RBM6: variants seen among roughly 807,000 people sequenced by gnomAD.
RBM6 encodes RNA binding motif protein 6.
A neutral mutation model predicts 140.4 loss-of-function variants in RBM6; 23 were observed. The ratio of observed to expected loss-of-function variants is 0.16; its 90% confidence interval spans 0.12 to 0.23. The LOEUF is 0.23. RBM6 is among the 10% of genes least tolerant of loss of function. The pLI is 1.00. For missense variants in RBM6, 1,139 were observed against 1,386.7 expected, an observed-to-expected ratio of 0.82 and a Z score of 2.84; for synonymous variants, 439 against 475.6, an observed-to-expected ratio of 0.92 and a Z score of 1.00.
intron 6 of RBM6, among the ~76,000 whole-genome samples, chr3:50,028,547 T>C (rs1369257256): frequency 2.0e-5 from 3 of 152,184 alleles, no homozygotes; most frequent in African/African-American, 7.2e-5. Context: ...AAGGAGGCAT[T>C]CCATTGTTAG....
intron 6 of RBM6, among the ~76,000 whole-genome samples, chr3:50,013,205 T>A (rs865887075): frequency 6.6e-6 from 1 of 152,082 alleles, no homozygotes; most frequent in African/African-American, 2.4e-5. Context: ...TGAATTTCCA[T>A]TGGGTTGAGT....
At chr3:49,971,188 C>T (rs1040256759) in intron 3 of RBM6, among the ~76,000 whole-genome samples, 1 of 127,100 alleles carries the variant, frequency 7.9e-6, no homozygotes, top group African/African-American at 2.6e-5. Context: ...ATCCCTTGAA[C>T]CTGGGAGGCA....
At chr3:49,994,669 G>GTGT (rs3223538) in intron 5 of RBM6, among the ~76,000 whole-genome samples, 1 of 148,164 alleles carries the variant, frequency 6.7e-6, no homozygotes, top group Non-Finnish European at 1.5e-5. Context: ...AAGGCTGTGG[G>GTGT]GTGTGTGTGT....
At chr3:50,072,917 C>T (rs1324853130) in intron 19 of RBM6, among the ~76,000 whole-genome samples, 1 of 152,168 alleles carries the variant, frequency 6.6e-6, no homozygotes, top group Non-Finnish European at 1.5e-5. Flanking sequence ...TGGCTCTTCT[C>T]CTTTCCAGTC....
intron 6 of RBM6, among the ~76,000 whole-genome samples, chr3:50,005,551 A>C (rs774702923): frequency 2.0e-5 from 3 of 151,858 alleles, no homozygotes; most frequent in African/African-American, 7.3e-5. Flanking sequence ...TGAGAATGCT[A>C]TTTGTGAGGC....
chr3:50,050,630 CTTTTA>C (rs1051513359), intron 7 of RBM6, among the ~76,000 whole-genome samples: 5 of 152,100 alleles, frequency 3.3e-5, no homozygotes, highest in South Asian at 2.1e-4. Flanking sequence ...AACTGTATTT[CTTTTA>C]TTTTATTAGC....
intron 6 of RBM6, among the ~76,000 whole-genome samples, chr3:50,032,669 C>T (rs1204158002): frequency 2.0e-5 from 3 of 151,768 alleles, no homozygotes; most frequent in African/African-American, 7.3e-5. Flanking sequence ...ATAATTATCA[C>T]CAGCCAAATG....
At chr3:50,047,417 T>A (rs2089274551) in intron 6 of RBM6, 1 of 753,282 alleles carries the variant, frequency 1.3e-6, no homozygotes, top group African/African-American at 1.9e-5. Flanking sequence ...CTGCCTAGTG[T>A]TTATTAAACA....
In RBM6 at chr3:50,020,034, T is replaced by C. The variant is rs562166042; in HGVS notation, c.1557+20521T>C. Among the ~76,000 whole-genome samples, 3 of 151,982 alleles carry C rather than the reference T, an allele frequency of 2.0e-5. No individual in the cohort carries two copies. In the South Asian group the frequency reaches 6.2e-4, roughly 32 times the overall value. Reference sequence around the variant, plus strand: ...CCTCAGCTCAAGCAACTTTCCCATCTCAGCTTTCCAAGTAGCTAGGACTAC... The same window carrying C: ...CCTCAGCTCAAGCAACTTTCCCATCCCAGCTTTCCAAGTAGCTAGGACTAC... On this transcript the variant is annotated intron_variant, in intron 6 of 20. Coordinates refer to ENST00000266022, the MANE Select transcript of RBM6 (RefSeq NM_005777.3).
At chr3:49,981,057 C>A (rs1193197377) in intron 5 of RBM6, among the ~76,000 whole-genome samples, 1 of 151,626 alleles carries the variant, frequency 6.6e-6, no homozygotes, top group Non-Finnish European at 1.5e-5. Flanking sequence ...CGCCTGCCAC[C>A]ATGCCCAGCT....
intron 7 of RBM6, among the ~76,000 whole-genome samples, chr3:50,053,392 G>A (rs1481698057): frequency 6.6e-6 from 1 of 152,162 alleles, no homozygotes. Context: ...TTAGCCAGGT[G>A]TAGTGGCACA....
chr3:50,022,160 C>G (rs2108797754), intron 6 of RBM6, among the ~76,000 whole-genome samples: 1 of 152,232 alleles, frequency 6.6e-6, no homozygotes, highest in Non-Finnish European at 1.5e-5. Context: ...TTTGAGAGCA[C>G]TTGTCTCCCC....
At chr3:49,941,847 C>A (rs1367378578) in intron 1 of RBM6, among the ~76,000 whole-genome samples, 3 of 150,726 alleles carry the variant, frequency 2.0e-5, no homozygotes, top group Admixed American at 6.6e-5. Context: ...GGATTACAGG[C>A]GTGAGCCACC....
chr3:49,956,199 T>A (rs2108599344), intron 1 of RBM6, among the ~76,000 whole-genome samples: 1 of 151,936 alleles, frequency 6.6e-6, no homozygotes, highest in South Asian at 2.1e-4. Context: ...AATTTTTGTA[T>A]TTTTTGTAGA....
chr3:49,994,954 A>G (rs2086014659), intron 5 of RBM6, among the ~76,000 whole-genome samples: 1 of 152,114 alleles, frequency 6.6e-6, no homozygotes, highest in Non-Finnish European at 1.5e-5. Flanking sequence ...AATATTCCTT[A>G]TAATTATTAT....
At chr3:50,064,655 G>A (rs767492506) in intron 15 of RBM6, among the ~76,000 whole-genome samples, 5 of 151,986 alleles carry the variant, frequency 3.3e-5, no homozygotes, top group Non-Finnish European at 5.9e-5. Flanking sequence ...GGGATTACAG[G>A]CCAAAACCAC....
intron 18 of RBM6, 64 bp downstream of exon 18, chr3:50,068,828 A>G: frequency 3.5e-6 from 5 of 1,445,582 alleles, no homozygotes; most frequent in African/African-American, 2.8e-5. Context: ...TATAGACTTC[A>G]TAGGCTGTGC....
chr3:49,969,080 A>G (rs2084654538), intron 3 of RBM6, among the ~76,000 whole-genome samples: 1 of 150,946 alleles, frequency 6.6e-6, no homozygotes, highest in South Asian at 2.1e-4. Flanking sequence ...GCTAGAGTGC[A>G]GTGACATAAT....
chr3:50,067,231 A>G (rs539045211), intron 17 of RBM6, among the ~76,000 whole-genome samples: 18 of 151,460 alleles, frequency 1.2e-4, no homozygotes, highest in Non-Finnish European at 2.7e-4. Flanking sequence ...AGCTTATACA[A>G]TCCTTCCTCA....
Sources: allele counts gnomAD v4.1 joint callset (sites outside exome capture counted in the v4.1 genomes callset), GRCh38; gene constraint gnomAD v4.1.1; transcripts MANE v1.5; gene names NCBI Gene and HGNC (gene_info 2026-07-23, HGNC 2026-07-21).